The following CRYBG1 variants were observed in gnomAD, a reference collection of about 807,000 sequenced individuals.
CRYBG1 encodes the protein crystallin beta-gamma domain containing 1, also known as beta/gamma crystallin domain-containing protein 1.
A neutral mutation model predicts 189.2 loss-of-function variants in CRYBG1; 139 were observed. That is an observed-to-expected ratio of 0.73 (90% CI 0.64 to 0.85). CRYBG1 has a LOEUF of 0.85. Among genes scored for constraint, CRYBG1 ranks in the 40% least tolerant of loss-of-function variants. CRYBG1 has a pLI of 0.00. For synonymous variants in CRYBG1, 1,023 were observed against 1,017.1 expected, an observed-to-expected ratio of 1.01 and a Z score of -0.11; for missense variants, 2,611 against 2,675.8, an observed-to-expected ratio of 0.98 and a Z score of 0.53.
In CRYBG1 at chr6:106,511,890, C is replaced by T. The variant is rs755929617; in HGVS notation, c.773C>T (p.Ser258Leu). Residue 258 changes from serine (S) to leucine (L), a missense_variant, in exon 3 of 22, where the codon TCG (serine) becomes TTG (leucine). This residue lies in a region of CRYBG1 where 985 missense variants were observed against 924.4 expected (regional missense o/e 1.07). Coordinates refer to ENST00000633556, the MANE Select transcript of CRYBG1 (RefSeq NM_001371242.2). ...ATTTAKQLHSSPGNSSRQENA... is the reference protein window; with the variant it reads ...ATTTAKQLHSLPGNSSRQENA... The stretch of plus-strand genomic sequence containing the variant: ...ACCACTGCCAAGCAGCTGCATTCCT[C>T]GCCGGGAAATTCCTCCAGGCAAGAG... 4.4e-5 allele frequency: 67 copies of T among 1,521,198 alleles called. No homozygotes were observed. Among genetic ancestry groups the T allele is most frequent in the Admixed American group, 6.0e-5 (3 of 49,856 alleles). 94.2% of individuals were successfully genotyped at this position (1,521,198 alleles called of 1,614,324 possible).
intron 7 of CRYBG1, among the ~76,000 whole-genome samples, chr6:106,527,879 G>A (rs149633288): frequency 1.3e-5 from 2 of 152,262 alleles, no homozygotes; most frequent in East Asian, 3.9e-4. Context: ...TAATTTGGTT[G>A]ATTAACTCTG....
At chr6:106,433,537 T>C (rs998630072) in intron 1 of CRYBG1, among the ~76,000 whole-genome samples, 23 of 151,964 alleles carry the variant, frequency 1.5e-4, no homozygotes, top group African/African-American at 4.8e-4. Context: ...AGTGGAGTCA[T>C]TGAAACCTGC....
intron 1 of CRYBG1, among the ~76,000 whole-genome samples, chr6:106,448,576 G>T (rs891998194): frequency 1.3e-5 from 2 of 152,130 alleles, no homozygotes; most frequent in Admixed American, 6.5e-5. Context: ...ACGCTACAAG[G>T]CCCAAATTAT....
intron 7 of CRYBG1, among the ~76,000 whole-genome samples, chr6:106,529,139 T>A (rs553331923): frequency 2.0e-5 from 3 of 152,074 alleles, no homozygotes; most frequent in Admixed American, 2.0e-4. Context: ...AGAGACGGGG[T>A]TTTGCCATAT....
At chr6:106,543,625 T>G (rs750298214) in intron 11 of CRYBG1, 28 bp downstream of exon 11, 10 of 1,592,764 alleles carry the variant, frequency 6.3e-6, no homozygotes, top group Non-Finnish European at 8.5e-6. Flanking sequence ...TTGTTAGGAT[T>G]TCTTTTTTTT....
At chr6:106,555,297 T>TGGTA (rs1554192011) in intron 16 of CRYBG1, among the ~76,000 whole-genome samples, 1 of 151,320 alleles carries the variant, frequency 6.6e-6, no homozygotes, top group Non-Finnish European at 1.5e-5. Context: ...TAAGTCAATA[T>TGGTA]AGTATTTTGA....
At chr6:106,406,010 A>G (rs1285178677) in intron 1 of CRYBG1, among the ~76,000 whole-genome samples, 1 of 152,200 alleles carries the variant, frequency 6.6e-6, no homozygotes, top group African/African-American at 2.4e-5. Context: ...AGGGAACAAA[A>G]CTGGATGGAG....
chr6:106,440,733 A>G (rs1454380540), intron 1 of CRYBG1, among the ~76,000 whole-genome samples: 3 of 152,258 alleles, frequency 2.0e-5, no homozygotes, highest in African/African-American at 7.2e-5. Context: ...ATAATCATCA[A>G]CATGTGGTAA....
Position 106,521,112 on chromosome 6 carries a change from A to C in CRYBG1, c.3904A>C (p.Asn1302His). ...PPCGLNKEQSNLLPDNSLKVF... is the reference protein window; with the variant it reads ...PPCGLNKEQSHLLPDNSLKVF... ...CTGTGGTTTGAACAAAGAACAGTCA[A>C]ATCTTCTGCCCGACAACTCCTTAAA... Residue 1302 changes from asparagine to histidine, a missense_variant, in exon 4 of 22, where the codon AAT becomes CAT. This residue lies in a region of CRYBG1 where 1,622 missense variants were observed against 1,735.0 expected (regional missense o/e 0.93). Transcript: ENST00000633556. The C allele has an allele frequency of 6.2e-7, 1 of 1,614,164 alleles. No homozygotes were observed. The highest frequency in any genetic ancestry group is 8.5e-7 in the Non-Finnish European group (1 of 1,180,030).
chr6:106,547,102 C>CCTGGCTTAAGCTTCTTTTTT (rs1774281075), intron 13 of CRYBG1, among the ~76,000 whole-genome samples: 1 of 152,004 alleles, frequency 6.6e-6, no homozygotes, highest in East Asian at 1.9e-4. Flanking sequence ...AATTGCATTT[C>CCTGGCTTAAGCTTCTTTTTT]CTGGCTTAAG....
intron 1 of CRYBG1, among the ~76,000 whole-genome samples, chr6:106,448,728 C>T (rs996747131): frequency 2.0e-5 from 3 of 152,206 alleles, no homozygotes; most frequent in African/African-American, 7.2e-5. Flanking sequence ...CATTTCTACC[C>T]TCTCCCTTCT....
At chr6:106,475,116 A>G (rs1024694997) in intron 2 of CRYBG1, among the ~76,000 whole-genome samples, 1 of 152,208 alleles carries the variant, frequency 6.6e-6, no homozygotes, top group African/African-American at 2.4e-5. Context: ...TATTCCATAA[A>G]CTTTTAGGTG....
intron 11 of CRYBG1, 88 bp from the exon 12 acceptor site, chr6:106,544,483 T>C: frequency 5.5e-6 from 8 of 1,451,194 alleles, no homozygotes; most frequent in Non-Finnish European, 6.6e-6. Flanking sequence ...TTTATAACTA[T>C]TTGTATTTTT....
chr6:106,543,018 A>AT, intron 10 of CRYBG1, among the ~76,000 whole-genome samples: 1 of 149,030 alleles, frequency 6.7e-6, no homozygotes, highest in South Asian at 2.1e-4. Flanking sequence ...TTTTAATTAA[A>AT]TTTAATTTTA....
At chr6:106,407,669 C>A (rs1188410300) in intron 1 of CRYBG1, among the ~76,000 whole-genome samples, 1 of 152,170 alleles carries the variant, frequency 6.6e-6, no homozygotes, top group Non-Finnish European at 1.5e-5. Context: ...GAAATCATAA[C>A]AAACAGTCTC....
At chr6:106,465,139 A>C (rs772271571) in intron 2 of CRYBG1, among the ~76,000 whole-genome samples, 2 of 152,196 alleles carry the variant, frequency 1.3e-5, no homozygotes, top group Non-Finnish European at 2.9e-5. Context: ...GTAATATCTC[A>C]AATAATTTAT....
At chr6:106,391,098 C>T (rs893105137) in intron 1 of CRYBG1, among the ~76,000 whole-genome samples, 2 of 152,114 alleles carry the variant, frequency 1.3e-5, no homozygotes, top group African/African-American at 2.4e-5. Context: ...GATGGAGTCT[C>T]GCTCAGTCAC....
At chr6:106,376,167 T>C (rs1334985707) in intron 1 of CRYBG1, among the ~76,000 whole-genome samples, 1 of 152,238 alleles carries the variant, frequency 6.6e-6, no homozygotes, top group Non-Finnish European at 1.5e-5. Context: ...GTACACATTT[T>C]CATATAGCTT....
rs992918088 is a variant in CRYBG1, at chr6:106,524,359, G to A, written c.4246-774G>A. Among the ~76,000 whole-genome samples the A allele has an allele frequency of 7.9e-5, 12 of 151,996 alleles. No homozygotes were observed. The East Asian group carries it at 9.7e-4, about 12-fold the overall frequency. Reference sequence around the variant, plus strand: ...AGGCGGATCACGAGGTCAAGAGATCGAGACCATCCTAGCCAACATGGTGAA... The same window carrying A: ...AGGCGGATCACGAGGTCAAGAGATCAAGACCATCCTAGCCAACATGGTGAA... On this transcript the variant is annotated intron_variant, in intron 4 of 21. Coordinates refer to ENST00000633556, the MANE Select transcript of CRYBG1 (RefSeq NM_001371242.2).
Sources: gnomAD v4.1 joint callset for allele counts (sites outside exome capture counted in the v4.1 genomes callset) on GRCh38, gnomAD v4.1.1 for gene constraint, gnomAD v4.1.1 regional missense constraint, MANE v1.5 for transcripts, NCBI Gene and HGNC (gene_info 2026-07-23, HGNC 2026-07-21) for gene names.